Variants in CLVS1 observed in about 807,000 individuals in gnomAD.
CLVS1 encodes clavesin 1, also known as clavesin-1.
In CLVS1, 10 loss-of-function variants were observed where a neutral mutation model predicts 33.1. The observed-to-expected ratio is 0.30, with a 90% confidence interval of 0.19 to 0.51. The LOEUF (loss-of-function observed/expected upper bound fraction) is 0.51, where lower values mean the gene tolerates loss of function less well. Ranked by LOEUF, CLVS1 falls within the 20% of genes least tolerant of loss-of-function variation. The pLI, the probability that CLVS1 is intolerant of heterozygous loss-of-function variation, is 0.97. For missense variants in CLVS1, 343 were observed against 433.4 expected (o/e 0.79, Z 1.85); for synonymous variants, 163 against 166.1 (o/e 0.98, Z 0.14).
intron 3 of CLVS1, among the ~76,000 whole-genome samples, chr8:61,387,020 G>A (rs1235360542): frequency 6.6e-6 from 1 of 152,222 alleles, no homozygotes; most frequent in Non-Finnish European, 1.5e-5. Flanking sequence ...CACCATGGGA[G>A]AAAGTGTACT....
intron 2 of CLVS1, among the ~76,000 whole-genome samples, chr8:61,363,227 C>G (rs1052764304): frequency 1.3e-5 from 2 of 152,168 alleles, no homozygotes; most frequent in Non-Finnish European, 2.9e-5. Context: ...ACATCCTTCT[C>G]CAGCAAAATC....
In CLVS1 at chr8:61,166,031, G is replaced by GTTTTTTTTTTTTTT. The variant is rs71245557; in HGVS notation, c.-152+34172_-152+34185dup. ...TATTTTTGTGGCTAAGCATCTAAGC[G>GTTTTTTTTTTTTTT]TTTTTTTTTTTTTTGCCTGCCTTTG... On this transcript the variant is annotated intron_variant, in intron 2 of 2. Transcript: ENST00000522621. Among the ~76,000 whole-genome samples, 585 of 108,228 alleles carry GTTTTTTTTTTTTTT rather than the reference G, an allele frequency of 5.4e-3. 46 individuals are homozygous for GTTTTTTTTTTTTTT. The highest frequency in any genetic ancestry group is 0.013 in the African/African-American group (404 of 30,656). 71.0% of individuals were successfully genotyped at this position (108,228 alleles called of 152,430 possible). A position where few individuals can be genotyped will look rare whatever the true frequency, so the allele number is the denominator to read the frequency against.
At chr8:61,136,927 A>G (rs1400010809) in intron 2 of CLVS1, among the ~76,000 whole-genome samples, 1 of 152,242 alleles carries the variant, frequency 6.6e-6, no homozygotes, top group Non-Finnish European at 1.5e-5. Context: ...CTCTTTAGTC[A>G]CAGCTGTATA....
intron 3 of CLVS1, among the ~76,000 whole-genome samples, chr8:61,451,929 G>T (rs1816979728): frequency 6.6e-6 from 1 of 152,102 alleles, no homozygotes; most frequent in Admixed American, 6.6e-5. Context: ...GGCCTTTCAT[G>T]TGACTTGTAT....
chr8:61,042,406 C>A, the CLVS1 span, among the ~76,000 whole-genome samples: 1 of 152,168 alleles, frequency 6.6e-6, no homozygotes, highest in Non-Finnish European at 1.5e-5. Context: ...TTAGTCCATT[C>A]AGGCCGTGAA....
At chr8:61,399,880 T>A (rs1054681004) in intron 3 of CLVS1, among the ~76,000 whole-genome samples, 3 of 152,212 alleles carry the variant, frequency 2.0e-5, no homozygotes, top group Non-Finnish European at 4.4e-5. Context: ...GTCTATTATG[T>A]TCCATTGCTC....
At chr8:61,308,235 T>G (rs1446564864) in intron 2 of CLVS1, among the ~76,000 whole-genome samples, 2 of 152,198 alleles carry the variant, frequency 1.3e-5, no homozygotes, top group Non-Finnish European at 2.9e-5. Flanking sequence ...AAGTTACTAA[T>G]GACATAAAAA....
chr8:61,480,025 G>A (rs1449424462), intron 5 of CLVS1, among the ~76,000 whole-genome samples: 1 of 152,236 alleles, frequency 6.6e-6, no homozygotes, highest in Non-Finnish European at 1.5e-5. Context: ...GGCTACTCAG[G>A]GGTCAGGGAC....
At chr8:61,070,249 GCGT>G (rs1353136686) in intron 1 of CLVS1, among the ~76,000 whole-genome samples, 1 of 152,236 alleles carries the variant, frequency 6.6e-6, no homozygotes, top group East Asian at 1.9e-4. Context: ...TGTTTTGTGT[GCGT>G]CTCTCATATC....
intron 2 of CLVS1, among the ~76,000 whole-genome samples, chr8:61,257,782 T>C (rs1409637046): frequency 1.3e-5 from 2 of 152,156 alleles, no homozygotes; most frequent in African/African-American, 4.8e-5. Context: ...TAACTTAAAT[T>C]TGGAGTTGAG....
At chr8:61,378,255 T>C (rs571958739) in intron 3 of CLVS1, 2 of 152,316 alleles carry the variant, frequency 1.3e-5, no homozygotes, top group South Asian at 2.1e-4. Context: ...TTATACATTT[T>C]TTTTCTTAAA....
intron 2 of CLVS1, among the ~76,000 whole-genome samples, chr8:61,251,125 G>A (rs191400216): frequency 1.5e-4 from 23 of 152,286 alleles, no homozygotes; most frequent in Admixed American, 3.3e-4. Flanking sequence ...TTAGTATGAA[G>A]GGCTGTTAAA....
intron 2 of CLVS1, among the ~76,000 whole-genome samples, chr8:61,304,514 G>T (rs1289526175): frequency 6.6e-6 from 1 of 152,224 alleles, no homozygotes; most frequent in Non-Finnish European, 1.5e-5. Flanking sequence ...GGCCCTCCCA[G>T]AGTGAGCAGA....
At chr8:61,266,714 A>G (rs1809310836) in intron 2 of CLVS1, among the ~76,000 whole-genome samples, 1 of 152,170 alleles carries the variant, frequency 6.6e-6, no homozygotes, top group African/African-American at 2.4e-5. Context: ...TCCCTATGCA[A>G]TGGTTCTTTT....
intron 5 of CLVS1, among the ~76,000 whole-genome samples, chr8:61,458,956 G>GTT (rs1817262768): frequency 6.6e-6 from 1 of 152,210 alleles, no homozygotes; most frequent in African/African-American, 2.4e-5. Flanking sequence ...AGGGACAAGA[G>GTT]GTACAAATGA....
the CLVS1 span, among the ~76,000 whole-genome samples, chr8:61,040,198 T>G: frequency 6.6e-6 from 1 of 152,268 alleles, no homozygotes; most frequent in Non-Finnish European, 1.5e-5. Context: ...GTCTGCATAG[T>G]ATTCCATAGT....
At chr8:61,246,897 T>C (rs944811118) in intron 2 of CLVS1, among the ~76,000 whole-genome samples, 1 of 152,310 alleles carries the variant, frequency 6.6e-6, no homozygotes, top group Admixed American at 6.5e-5. Flanking sequence ...CATATTATTA[T>C]ATCACCCAGG....
chr8:61,350,434 C>A (rs529435444), intron 2 of CLVS1, among the ~76,000 whole-genome samples: 15 of 152,236 alleles, frequency 9.9e-5, no homozygotes, highest in African/African-American at 3.6e-4. Context: ...TGTATCAGAA[C>A]ATACTTTTCT....
chr8:61,033,101 T>A, the CLVS1 span, among the ~76,000 whole-genome samples: 499 of 30,666 alleles, frequency 0.016, 17 homozygotes, highest in Middle Eastern at 0.037. Context: ...GAAAGAAAGA[T>A]AGAAAGAAAG....
Sources: allele counts gnomAD v4.1 joint callset (sites outside exome capture counted in the v4.1 genomes callset), GRCh38; gene constraint gnomAD v4.1.1; transcripts MANE v1.5; gene names NCBI Gene and HGNC (gene_info 2026-07-23, HGNC 2026-07-21).